IGF2BP2: variants seen among roughly 807,000 people sequenced by gnomAD.
IGF2BP2 encodes the protein insulin like growth factor 2 mRNA binding protein 2, also known as insulin-like growth factor 2 mRNA-binding protein 2.
IGF2BP2 carries 17 observed loss-of-function variants against 75.8 expected under a neutral mutation model. The ratio of observed to expected loss-of-function variants is 0.22; its 90% confidence interval spans 0.15 to 0.34. The LOEUF is 0.34. Among genes scored for constraint, IGF2BP2 ranks in the 10% least tolerant of loss-of-function variants. The probability of loss-of-function intolerance (pLI) is 1.00; values close to 1 mark genes in which losing one functional copy is unlikely to be tolerated. For missense variants in IGF2BP2, 516 were observed against 772.4 expected, an observed-to-expected ratio of 0.67 and a Z score of 3.93; for synonymous variants, 288 against 295.6, an observed-to-expected ratio of 0.97 and a Z score of 0.26.
intron 2 of IGF2BP2, among the ~76,000 whole-genome samples, chr3:185,804,194 T>G (rs1288691930): frequency 6.7e-6 from 1 of 149,162 alleles, no homozygotes; most frequent in Non-Finnish European, 1.5e-5. Context: ...AGGCAGAGGT[T>G]GCGGTGAGCC....
chr3:185,823,289 A>G, intron 1 of IGF2BP2, 76 bp from the exon 2 acceptor site: 1 of 1,149,480 alleles, frequency 8.7e-7, no homozygotes, highest in Non-Finnish European at 1.3e-6. Context: ...GCACGCACGG[A>G]ACTCCACGCT....
At chr3:185,784,064 T>C (rs1402193801) in intron 2 of IGF2BP2, among the ~76,000 whole-genome samples, 3 of 152,070 alleles carry the variant, frequency 2.0e-5, no homozygotes, top group Non-Finnish European at 4.4e-5. Flanking sequence ...GTGAACTTCG[T>C]CTCTACTGAA....
At chr3:185,796,940 A>C (rs1737497071) in intron 2 of IGF2BP2, among the ~76,000 whole-genome samples, 1 of 152,156 alleles carries the variant, frequency 6.6e-6, no homozygotes, top group Admixed American at 6.5e-5. Context: ...TCTGAGTCAA[A>C]ATGCACATCA....
intron 2 of IGF2BP2, among the ~76,000 whole-genome samples, chr3:185,805,519 G>A (rs749771973): frequency 4.6e-5 from 7 of 152,138 alleles, no homozygotes; most frequent in South Asian, 2.1e-4. Context: ...TTTGGCCCAC[G>A]ATAAGGCTTC....
At chr3:185,815,248 T>C (rs1740449904) in intron 2 of IGF2BP2, among the ~76,000 whole-genome samples, 1 of 152,214 alleles carries the variant, frequency 6.6e-6, no homozygotes, top group African/African-American at 2.4e-5. Flanking sequence ...TTAATTCTTT[T>C]CAATTATATT....
At chr3:185,779,729 CT>C (rs1734964766) in intron 2 of IGF2BP2, among the ~76,000 whole-genome samples, 1 of 150,928 alleles carries the variant, frequency 6.6e-6, no homozygotes, top group Non-Finnish European at 1.5e-5. Context: ...CTGGTCTACT[CT>C]AGACCACCGT....
In IGF2BP2 at chr3:185,675,411, T is replaced by C. The variant is rs1300405381; in HGVS notation, c.956A>G (p.Tyr319Cys). Reference protein sequence around the residue: ...TISSLQDLSIYNPERTITVKG... With the variant: ...TISSLQDLSICNPERTITVKG... ...CACAGTGATGGTTCTTTCCGGGTTG[T>C]ATATGCTCAAATCCTGCAAACTGAC... The change falls in exon 9 of 16, where the codon TAC becomes TGC. Residue 319 changes from tyrosine to cysteine, a missense_variant. Tyr to Cys is a radical substitution (Grantham distance 194). Transcript: ENST00000382199. 9.3e-6 allele frequency: 15 copies of C among 1,611,930 alleles called. No individual in the cohort carries two copies. Among genetic ancestry groups the C allele is most frequent in the Non-Finnish European group, 1.3e-5 (15 of 1,179,522 alleles).
chr3:185,750,752 T>TA (rs1360287302), intron 2 of IGF2BP2, among the ~76,000 whole-genome samples: 1 of 152,210 alleles, frequency 6.6e-6, no homozygotes, highest in African/African-American at 2.4e-5. Context: ...CCCCCTCATA[T>TA]ACTGTCATAG....
At chr3:185,764,730 T>G (rs1732821099) in intron 2 of IGF2BP2, among the ~76,000 whole-genome samples, 1 of 152,204 alleles carries the variant, frequency 6.6e-6, no homozygotes, top group South Asian at 2.1e-4. Flanking sequence ...CAGCTCATAG[T>G]ATGACAGCTA....
intron 2 of IGF2BP2, among the ~76,000 whole-genome samples, chr3:185,707,026 G>A (rs2149397525): frequency 6.6e-6 from 1 of 152,152 alleles, no homozygotes; most frequent in South Asian, 2.1e-4. Flanking sequence ...ACAGGCATAA[G>A]CCACTGTGCC....
chr3:185,733,563 C>A (rs1296049732), intron 2 of IGF2BP2, among the ~76,000 whole-genome samples: 1 of 152,166 alleles, frequency 6.6e-6, no homozygotes, highest in East Asian at 1.9e-4. Context: ...TCGAGACCAG[C>A]CTGACCAACA....
chr3:185,805,013 C>G (rs886550474), intron 2 of IGF2BP2, among the ~76,000 whole-genome samples: 1 of 149,846 alleles, frequency 6.7e-6, no homozygotes, highest in African/African-American at 2.5e-5. Flanking sequence ...AAAAAAATTA[C>G]AGTCATAACC....
chr3:185,779,953 G>C (rs898537111), intron 2 of IGF2BP2, among the ~76,000 whole-genome samples: 5 of 152,166 alleles, frequency 3.3e-5, no homozygotes, highest in Non-Finnish European at 7.3e-5. Context: ...ATATTACAAA[G>C]ATGTTTATTG....
At chr3:185,727,295 G>C (rs1365152584) in intron 2 of IGF2BP2, among the ~76,000 whole-genome samples, 3 of 152,078 alleles carry the variant, frequency 2.0e-5, no homozygotes, top group Non-Finnish European at 2.9e-5. Flanking sequence ...CAGCAAGGGA[G>C]ACGCAGAGCC....
At chr3:185,750,811 C>A (rs1730863459) in intron 2 of IGF2BP2, among the ~76,000 whole-genome samples, 1 of 152,206 alleles carries the variant, frequency 6.6e-6, no homozygotes, top group Non-Finnish European at 1.5e-5. Context: ...TCTTTCAGAA[C>A]CAGGATAGGT....
chr3:185,721,033 G>A (rs1411342336), intron 2 of IGF2BP2, among the ~76,000 whole-genome samples: 1 of 152,260 alleles, frequency 6.6e-6, no homozygotes, highest in East Asian at 1.9e-4. Flanking sequence ...GTGGGCAGAT[G>A]TCAGGAAGCA....
At chr3:185,651,621 G>A (rs1347044105) in intron 13 of IGF2BP2, among the ~76,000 whole-genome samples, 1 of 152,148 alleles carries the variant, frequency 6.6e-6, no homozygotes, top group Non-Finnish European at 1.5e-5. Flanking sequence ...AAATAAATAT[G>A]TGTTTCTCAC....
At chr3:185,757,898 C>T (rs1731853570) in intron 2 of IGF2BP2, among the ~76,000 whole-genome samples, 2 of 151,994 alleles carry the variant, frequency 1.3e-5, no homozygotes, top group South Asian at 4.2e-4. Flanking sequence ...CACACACATA[C>T]CTCTGACCTG....
intron 2 of IGF2BP2, among the ~76,000 whole-genome samples, chr3:185,784,731 G>A (rs1008211263): frequency 2.6e-5 from 4 of 152,196 alleles, no homozygotes; most frequent in African/African-American, 4.8e-5. Flanking sequence ...GGCAAGCTGG[G>A]CCAAAGAAAA....
Sources: gnomAD v4.1 joint callset for allele counts (sites outside exome capture counted in the v4.1 genomes callset) on GRCh38, gnomAD v4.1.1 for gene constraint, MANE v1.5 for transcripts, NCBI Gene and HGNC (gene_info 2026-07-23, HGNC 2026-07-21) for gene names.